CREBBP: variants seen among roughly 807,000 people sequenced by gnomAD.
The protein encoded by CREBBP is CREB binding lysine acetyltransferase.
In CREBBP, 19 loss-of-function variants were observed where a neutral mutation model predicts 265.0. That is an observed-to-expected ratio of 0.07 (90% CI 0.05 to 0.11). The LOEUF is 0.11. Among genes scored for constraint, CREBBP ranks in the 10% least tolerant of loss-of-function variants. CREBBP has a pLI of 1.00. For missense variants in CREBBP, 2,525 were observed against 3,219.0 expected (o/e 0.78, Z 5.22); for synonymous variants, 1,457 against 1,223.7 (o/e 1.19, Z -3.98).
In CREBBP at chr16:3,760,434, G is replaced by A. The variant is rs185675580; in HGVS notation, c.3251-1462C>T. Among the ~76,000 whole-genome samples the A allele has an allele frequency of 2.7e-4, 29 of 107,890 alleles. No homozygotes were observed. The East Asian group carries it at 8.4e-3, about 31-fold the overall frequency. The allele number at this position is 107,890 out of a possible 152,430, so 70.8% of individuals were successfully genotyped here. A position where few individuals can be genotyped will look rare whatever the true frequency, so the allele number is the denominator to read the frequency against. ...TTTTTTTTTTTTGAGACAGAGTCTT[G>A]CTCTGTCACCCAGGCTGGAGTGCAG... On this transcript the variant is annotated intron_variant, in intron 16 of 30. Transcript: ENST00000262367.
At chr16:3,741,916 A>C (rs937274707) in intron 23 of CREBBP, 1 of 152,006 alleles carries the variant, frequency 6.6e-6, no homozygotes, top group African/African-American at 2.4e-5. Flanking sequence ...TCTACTAAAA[A>C]ACAGAAAAAA....
At chr16:3,751,643 T>C (rs2151373406) in intron 20 of CREBBP, 83 bp downstream of exon 20, 1 of 1,373,084 alleles carries the variant, frequency 7.3e-7, no homozygotes, top group Non-Finnish European at 1.0e-6. Flanking sequence ...CACCGGTACC[T>C]TCCTTATAGT....
intron 3 of CREBBP, among the ~76,000 whole-genome samples, chr16:3,798,936 C>A (rs1434044033): frequency 6.6e-6 from 1 of 152,110 alleles, no homozygotes; most frequent in Non-Finnish European, 1.5e-5. Flanking sequence ...ATTCAAATGC[C>A]CATCAAGTGA....
chr16:3,870,283 T>G (rs2055267346), intron 1 of CREBBP, among the ~76,000 whole-genome samples: 1 of 152,210 alleles, frequency 6.6e-6, no homozygotes, highest in African/African-American at 2.4e-5. Flanking sequence ...TCAAGATCTG[T>G]GTAGCTGAGC....
At chr16:3,800,307 C>CA (rs1567323274) in intron 3 of CREBBP, among the ~76,000 whole-genome samples, 2 of 152,080 alleles carry the variant, frequency 1.3e-5, no homozygotes, top group Non-Finnish European at 2.9e-5. Flanking sequence ...TTTGTAGAGA[C>CA]AGAGTCTTGC....
rs777713620 is a variant in CREBBP at position 3,767,731 on chromosome 16, G to A, written c.3239C>T (p.Pro1080Leu). 32 of 1,613,966 alleles carry A rather than the reference G, an allele frequency of 2.0e-5. No homozygotes were observed. Among genetic ancestry groups the A allele is most frequent in the South Asian group, 1.6e-4 (15 of 91,072 alleles). Residue 1080 changes from proline (P) to leucine (L), a missense_variant, in exon 16 of 31, where the codon CCG (proline) becomes CTG (leucine). By Grantham distance (98) the Pro-to-Leu change is moderately conservative. Around this residue, in one of 19 missense-constraint regions of CREBBP, gnomAD observed 548 missense variants for 533.0 expected, o/e 1.03. Transcript: ENST00000262367. Reference sequence around the variant, plus strand: ...AATAAATGGCCTACTTTTTTTGCGCGGCTGCGAAGGAGATGTTGACTGAGA... The same window carrying A: ...AATAAATGGCCTACTTTTTTTGCGCAGCTGCGAAGGAGATGTTGACTGAGA... ...TASQSTSPSQPRKKIFKPEEL... is the reference protein window; with the variant it reads ...TASQSTSPSQLRKKIFKPEEL...
At chr16:3,793,746 T>C (rs2053551943) in intron 3 of CREBBP, 120 bp from the exon 4 acceptor site, 3 of 1,234,408 alleles carry the variant, frequency 2.4e-6, no homozygotes, top group Admixed American at 4.2e-5. Flanking sequence ...GAGAGAAGGC[T>C]GGTGTAGTTC....
rs371336479 is a variant in CREBBP at position 3,803,940 on chromosome 16, T to C, written c.975+6663A>G. 5.3e-5 allele frequency among the ~76,000 whole-genome samples: 8 copies of C among 152,018 alleles called. No individual in the cohort carries two copies. In the South Asian group the frequency reaches 1.2e-3, roughly 24 times the overall value. ...ACCAAAAAAAATACAAAAAATTTGC[T>C]GTGCATGGTGGCACGTGCCTGTGGT... is the stretch of plus-strand genomic sequence containing the variant. On this transcript the variant is annotated intron_variant, in intron 3 of 30. Coordinates refer to ENST00000262367, the MANE Select transcript of CREBBP (RefSeq NM_004380.3).
intron 6 of CREBBP, 82 bp from the exon 7 acceptor site, chr16:3,781,388 CA>C (rs1213505955): frequency 3.6e-6 from 4 of 1,100,664 alleles, no homozygotes; most frequent in Non-Finnish European, 5.4e-6. Context: ...ACCAACATGC[CA>C]CCATATAAAC....
At chr16:3,777,250 G>C (rs1055496824) in intron 11 of CREBBP, among the ~76,000 whole-genome samples, 4 of 151,710 alleles carry the variant, frequency 2.6e-5, no homozygotes, top group African/African-American at 9.7e-5. Context: ...CAGGAGAATG[G>C]TGTGAACCCA....
chr16:3,761,460 T>G, intron 16 of CREBBP: 1 of 499,082 alleles, frequency 2.0e-6, no homozygotes, highest in South Asian at 1.5e-5. Flanking sequence ...AAGCAAAAGT[T>G]AAAAGTTGGA....
intron 2 of CREBBP, among the ~76,000 whole-genome samples, chr16:3,827,868 G>A (rs2054268700): frequency 6.6e-6 from 1 of 151,764 alleles, no homozygotes; most frequent in Admixed American, 6.6e-5. Flanking sequence ...TTTTTAAAAT[G>A]TTTTGTAGAG....
At chr16:3,744,842 A>C in intron 23 of CREBBP, 52 bp downstream of exon 23, 1 of 1,365,982 alleles carries the variant, frequency 7.3e-7, no homozygotes, top group South Asian at 1.2e-5. Context: ...GACAATTTCT[A>C]CAAGTTTCTA....
intron 15 of CREBBP, 46 bp from the exon 16 acceptor site, chr16:3,767,955 A>G (rs1410805867): frequency 8.2e-6 from 13 of 1,580,628 alleles, no homozygotes; most frequent in Non-Finnish European, 1.0e-5. Context: ...AAACACCTTT[A>G]TGTTACCGCA....
At chr16:3,799,931 T>C (rs937610009) in intron 3 of CREBBP, among the ~76,000 whole-genome samples, 3 of 152,136 alleles carry the variant, frequency 2.0e-5, no homozygotes, top group African/African-American at 7.2e-5. Context: ...CCAAAAAGCA[T>C]TCCATTTTGG....
intron 1 of CREBBP, among the ~76,000 whole-genome samples, chr16:3,872,310 T>C (rs114732246): frequency 6.6e-6 from 1 of 152,182 alleles, no homozygotes; most frequent in Non-Finnish European, 1.5e-5. Flanking sequence ...ATTTGATTTG[T>C]GTGCCCTTGC....
At chr16:3,732,350 G>A (rs1481734265) in intron 28 of CREBBP, among the ~76,000 whole-genome samples, 1 of 152,126 alleles carries the variant, frequency 6.6e-6, no homozygotes. Context: ...CAGGAGACAG[G>A]AAAGCTGCTG....
intron 2 of CREBBP, among the ~76,000 whole-genome samples, chr16:3,843,761 G>C (rs564605313): frequency 6.6e-6 from 1 of 152,024 alleles, no homozygotes; most frequent in African/African-American, 2.4e-5. Flanking sequence ...GGAAAAAAAG[G>C]CTTCAGGCCC....
At chr16:3,786,381 A>G (rs1182375620) in intron 5 of CREBBP, among the ~76,000 whole-genome samples, 1 of 152,170 alleles carries the variant, frequency 6.6e-6, no homozygotes, top group Admixed American at 6.5e-5. Context: ...AAAAGAAAAA[A>G]GGAATGTTCC....
Sources: gnomAD v4.1 joint callset for allele counts (sites outside exome capture counted in the v4.1 genomes callset) on GRCh38, gnomAD v4.1.1 for gene constraint, gnomAD v4.1.1 regional missense constraint, MANE v1.5 for transcripts, NCBI Gene and HGNC (gene_info 2026-07-23, HGNC 2026-07-21) for gene names.